Variants in MMD2 observed in about 807,000 individuals in gnomAD.
MMD2 encodes monocyte to macrophage differentiation associated 2.
Under a neutral mutation model 33.5 loss-of-function variants are expected in MMD2, and 30 were observed. The observed-to-expected ratio is 0.90, with a 90% confidence interval of 0.67 to 1.22. MMD2 has a LOEUF of 1.22. Among genes scored for constraint, MMD2 ranks in the 50% most tolerant of loss-of-function variants. The pLI is 0.00. For missense variants in MMD2, 364 were observed against 325.4 expected, an observed-to-expected ratio of 1.12 and a Z score of -0.91; for synonymous variants, 129 against 123.0, an observed-to-expected ratio of 1.05 and a Z score of -0.32.
the MMD2 span, among the ~76,000 whole-genome samples, chr7:4,898,446 G>A: frequency 2.0e-5 from 3 of 152,194 alleles, no homozygotes; most frequent in Admixed American, 6.6e-5. Context: ...ACATCATTTG[G>A]TGGGTTGCAA....
In MMD2 at chr7:4,958,954, C is replaced by G; in HGVS notation, c.47+17G>C. 3.1e-6 allele frequency: 4 copies of G among 1,289,998 alleles called. No individual in the cohort carries two copies. The highest frequency in any genetic ancestry group is 3.9e-6 in the Non-Finnish European group (4 of 1,012,676). 79.9% of individuals were successfully genotyped at this position (1,289,998 alleles called of 1,614,324 possible). ...CCCCTCCCTCCCTCCCCGCGGACCT[C>G]CGCGGCCGCCGCTCACCTCGCGTAT... On this transcript the variant is annotated intron_variant, in intron 1 of 6. Coordinates refer to ENST00000401401, the MANE Select transcript of MMD2 (RefSeq NM_198403.4).
intron 1 of MMD2, among the ~76,000 whole-genome samples, chr7:4,927,907 A>T (rs1232017483): frequency 6.6e-6 from 1 of 152,166 alleles, no homozygotes; most frequent in African/African-American, 2.4e-5. Flanking sequence ...GACTCAACCC[A>T]GCCCTGGTTG....
intron 1 of MMD2, among the ~76,000 whole-genome samples, chr7:4,953,627 C>A: frequency 6.6e-6 from 1 of 151,494 alleles, no homozygotes; most frequent in Non-Finnish European, 1.5e-5. Context: ...CATGCCACCA[C>A]ACCCGGCTAA....
chr7:4,947,645 A>C (rs1175811463), intron 1 of MMD2, among the ~76,000 whole-genome samples: 2 of 144,954 alleles, frequency 1.4e-5, no homozygotes, highest in Admixed American at 1.4e-4. Context: ...TGCCTGTCCC[A>C]GCCTCCCAAA....
chr7:4,892,448 C>T, the MMD2 span, among the ~76,000 whole-genome samples: 5 of 151,412 alleles, frequency 3.3e-5, no homozygotes, highest in African/African-American at 1.2e-4. Context: ...ATTAGCTGGG[C>T]ATGGTGGTGG....
chr7:4,924,260 T>C (rs978733132), intron 2 of MMD2, among the ~76,000 whole-genome samples: 2 of 152,168 alleles, frequency 1.3e-5, no homozygotes, highest in Non-Finnish European at 2.9e-5. Flanking sequence ...AGGCACACAC[T>C]AAGTTCGAAT....
At chr7:4,935,988 C>T (rs1193828726) in intron 1 of MMD2, among the ~76,000 whole-genome samples, 1 of 151,888 alleles carries the variant, frequency 6.6e-6, no homozygotes, top group African/African-American at 2.4e-5. Context: ...AGTTCGAGAC[C>T]AGCCTGTCCA....
rs775604341 is a variant in MMD2 at position 4,920,197 on chromosome 7, G to A, written c.264C>T (p.Thr88=). Residue 88 remains threonine, a synonymous_variant, in exon 3 of 7, where the codon ACC becomes ACT. Transcript: ENST00000401401. The stretch of plus-strand genomic sequence containing the variant: ...TGAGGTGGCTCTTCTTCCAGGAGAT[G>A]GTGTGAAACACAGTGGACACCACGA... ...GLFVVSTVFH[T]ISWKKSHLRM... is the part of the protein sequence containing the mutation. The A allele has an allele frequency of 3.8e-6, 6 of 1,569,232 alleles. No homozygotes were observed. The South Asian group carries it at 5.9e-5, about 15-fold the overall frequency.
At chr7:4,935,347 G>A (rs1465682587) in intron 1 of MMD2, among the ~76,000 whole-genome samples, 2 of 151,838 alleles carry the variant, frequency 1.3e-5, no homozygotes, top group Non-Finnish European at 2.9e-5. Flanking sequence ...GTGAGACCCT[G>A]TCTCAAAAAA....
intron 1 of MMD2, among the ~76,000 whole-genome samples, chr7:4,938,510 A>G (rs1446482382): frequency 6.6e-6 from 1 of 152,110 alleles, no homozygotes; most frequent in Non-Finnish European, 1.5e-5. Flanking sequence ...TCAAGACCGC[A>G]GCTAATCCTA....
In MMD2 at chr7:4,957,171, A is replaced by T. The variant is rs953672429; in HGVS notation, c.47+1800T>A. On this transcript the variant is annotated intron_variant, in intron 1 of 6. Transcript: ENST00000401401. ...ACAGAGTGAGACTGTCTCAAAAAAAAAAATATATATATATATATATAAATT... is the reference window on the plus strand; with the variant it reads ...ACAGAGTGAGACTGTCTCAAAAAAATAAATATATATATATATATATAAATT... Among the ~76,000 whole-genome samples the T allele has an allele frequency of 1.6e-4, 21 of 132,916 alleles. No individual in the cohort carries two copies. In the South Asian group the frequency reaches 1.7e-3, roughly 11 times the overall value. The allele number at this position is 132,916 out of a possible 152,430, so 87.2% of individuals were successfully genotyped here. A position where few individuals can be genotyped will look rare whatever the true frequency, so the allele number is the denominator to read the frequency against.
At chr7:4,900,302 GT>G in the MMD2 span, among the ~76,000 whole-genome samples, 26 of 152,210 alleles carry the variant, frequency 1.7e-4, no homozygotes, top group Non-Finnish European at 4.4e-5. Flanking sequence ...ATCTTGTGAG[GT>G]TTTGGAAGAG....
Position 4,958,969 on chromosome 7 carries a change from A to G in MMD2, c.47+2T>C. On this transcript the variant is annotated splice_donor_variant, in intron 1 of 6. Coordinates refer to ENST00000401401, the MANE Select transcript of MMD2 (RefSeq NM_198403.4). LOFTEE classifies it high-confidence loss of function. ...CCGCGGACCTCCGCGGCCGCCGCTCACCTCGCGTATTTCGTCTTCTGGAAA... is the reference window on the plus strand; with the variant it reads ...CCGCGGACCTCCGCGGCCGCCGCTCGCCTCGCGTATTTCGTCTTCTGGAAA... 1 of 1,285,928 alleles carries G rather than the reference A, an allele frequency of 7.8e-7. No homozygotes were observed. Among genetic ancestry groups the G allele is most frequent in the Non-Finnish European group, 9.9e-7 (1 of 1,010,340 alleles). 79.7% of individuals were successfully genotyped at this position (1,285,928 alleles called of 1,614,324 possible). A position where few individuals can be genotyped will look rare whatever the true frequency, so the allele number is the denominator to read the frequency against.
downstream of MMD2, among the ~76,000 whole-genome samples, chr7:4,905,627 T>G (rs1027501432): frequency 2.6e-5 from 4 of 151,282 alleles, no homozygotes; most frequent in South Asian, 8.4e-4. The surrounding 1 kb of genome is among the most constrained non-coding windows in gnomAD (Gnocchi z 5.0). Flanking sequence ...CCTTGGGAGG[T>G]CTCCTAAACA....
In MMD2 at chr7:4,946,103, G is replaced by A. The variant is rs992129820; in HGVS notation, c.47+12868C>T. 2.0e-5 allele frequency among the ~76,000 whole-genome samples: 3 copies of A among 148,344 alleles called. No homozygotes were observed. Among genetic ancestry groups the A allele is most frequent in the Non-Finnish European group, 4.5e-5 (3 of 66,822 alleles). On this transcript the variant is annotated intron_variant, in intron 1 of 6. Coordinates refer to ENST00000401401, the MANE Select transcript of MMD2 (RefSeq NM_198403.4). This position sits in a 1 kb window ranked among gnomAD's most constrained non-coding sequence, Gnocchi z 5.0. ...CGCACACGCACGCACACACACGCAT[G>A]CACACGCGCACACGCACGCACACAC... is the stretch of plus-strand genomic sequence containing the variant.
At chr7:4,897,182 T>A in the MMD2 span, among the ~76,000 whole-genome samples, 1 of 143,364 alleles carries the variant, frequency 7.0e-6, no homozygotes, top group East Asian at 2.0e-4. Context: ...TTTTCTACAG[T>A]GAACAGAGAT....
intron 6 of MMD2, among the ~76,000 whole-genome samples, chr7:4,909,466 GA>G (rs1220896146): frequency 1.3e-5 from 2 of 151,462 alleles, no homozygotes; most frequent in Non-Finnish European, 2.9e-5. Flanking sequence ...TTTTGAAACA[GA>G]GTTTCACTGT....
intron 1 of MMD2, among the ~76,000 whole-genome samples, chr7:4,945,042 C>G (rs1213565992): frequency 6.6e-6 from 1 of 150,994 alleles, no homozygotes; most frequent in African/African-American, 2.4e-5. Context: ...CTCTCCCTCT[C>G]TCTCTCCTTT....
Position 4,920,095 on chromosome 7 carries a change from T to G in MMD2, c.290+76A>C, listed in dbSNP as rs534168817. 1.4e-5 allele frequency: 21 copies of G among 1,471,230 alleles called. No homozygotes were observed. The East Asian group carries it at 4.7e-4, about 33-fold the overall frequency. The allele number at this position is 1,471,230 out of a possible 1,614,324, so 91.1% of individuals were successfully genotyped here. On this transcript the variant is annotated intron_variant, in intron 3 of 6. Transcript: ENST00000401401. ...TCACCAGGCAGACCGGATATCCTGG[T>G]TCACCCCCCGGGCTGCCATGGGTCC...
Sources: allele counts gnomAD v4.1 joint callset (sites outside exome capture counted in the v4.1 genomes callset), GRCh38; gene constraint gnomAD v4.1.1; non-coding constraint Gnocchi (gnomAD v3.1); transcripts MANE v1.5; gene names NCBI Gene and HGNC (gene_info 2026-07-23, HGNC 2026-07-21).